ZNF536: variants seen among roughly 807,000 people sequenced by gnomAD.
The protein encoded by ZNF536 is zinc finger protein 536.
Under a neutral mutation model 84.5 loss-of-function variants are expected in ZNF536, and 13 were observed. The ratio of observed to expected loss-of-function variants is 0.15; its 90% CI spans 0.10 to 0.24. The LOEUF (loss-of-function observed/expected upper bound fraction) is 0.24, where lower values mean the gene tolerates loss of function less well. Ranked by LOEUF, ZNF536 falls within the 10% of genes least tolerant of loss-of-function variation. The pLI is 1.00. For synonymous variants in ZNF536, 811 were observed against 742.5 expected, an observed-to-expected ratio of 1.09 and a Z score of -1.50; for missense variants, 1,536 against 1,747.5, an observed-to-expected ratio of 0.88 and a Z score of 2.16.
chr19:30,640,606 C>G (rs947676130), intron 1 of ZNF536, among the ~76,000 whole-genome samples: 7 of 152,164 alleles, frequency 4.6e-5, no homozygotes, highest in African/African-American at 1.7e-4. Flanking sequence ...CTCCCTGCAC[C>G]GTCTTACCAG....
At chr19:30,452,728 G>A (rs1457168563) in intron 2 of ZNF536, among the ~76,000 whole-genome samples, 2 of 152,162 alleles carry the variant, frequency 1.3e-5, no homozygotes, top group Non-Finnish European at 2.9e-5. Context: ...CAGAGATCAG[G>A]AGATTGGATT....
chr19:30,366,433 C>G (rs1417709057), intron 3 of ZNF536, among the ~76,000 whole-genome samples: 1 of 150,920 alleles, frequency 6.6e-6, no homozygotes, highest in Non-Finnish European at 1.5e-5. Flanking sequence ...TCCTTCCTTC[C>G]TTTATTCATT....
At chr19:30,474,949 T>A (rs963727368) in intron 2 of ZNF536, among the ~76,000 whole-genome samples, 1 of 143,164 alleles carries the variant, frequency 7.0e-6, no homozygotes, top group South Asian at 2.5e-4. Flanking sequence ...CTCCTACCTG[T>A]CCCTTCCCTT....
At chr19:30,385,731 C>T (rs563945899) in intron 1 of ZNF536, among the ~76,000 whole-genome samples, 1 of 152,266 alleles carries the variant, frequency 6.6e-6, no homozygotes, top group African/African-American at 2.4e-5. Context: ...TACTTCTCCC[C>T]AACTTTTCAG....
chr19:30,363,013 T>C (rs776122328), intron 3 of ZNF536, among the ~76,000 whole-genome samples: 1 of 151,818 alleles, frequency 6.6e-6, no homozygotes, highest in Non-Finnish European at 1.5e-5. Flanking sequence ...GAGCCAAGAT[T>C]GTGCCACTGC....
chr19:30,295,833 G>C (rs731676), intron 2 of ZNF536, among the ~76,000 whole-genome samples: 35,250 of 152,010 alleles, frequency 0.23, 4,950 homozygotes, highest in East Asian at 0.54. Context: ...GAGGGGCAAA[G>C]CAGGCAGGAT....
At chr19:30,559,530 A>G (rs1181652041), downstream of ZNF536, among the ~76,000 whole-genome samples, 1 of 152,220 alleles carries the variant, frequency 6.6e-6, no homozygotes, top group Non-Finnish European at 1.5e-5. Flanking sequence ...GCCTCTGTCC[A>G]GGGCTGAGCA....
chr19:30,535,880 G>C (rs930641885), intron 3 of ZNF536, among the ~76,000 whole-genome samples: 5 of 152,200 alleles, frequency 3.3e-5, no homozygotes, highest in East Asian at 3.9e-4. Context: ...AATCAATAAG[G>C]CTCTGGGTTG....
intron 2 of ZNF536, among the ~76,000 whole-genome samples, chr19:30,346,790 A>G (rs2047757004): frequency 6.6e-6 from 1 of 152,238 alleles, no homozygotes; most frequent in Non-Finnish European, 1.5e-5. Flanking sequence ...ATTGTAAATA[A>G]TGCTGCAATG....
chr19:30,686,963 C>T (rs889042648), intron 1 of ZNF536, among the ~76,000 whole-genome samples: 1 of 152,154 alleles, frequency 6.6e-6, no homozygotes, highest in East Asian at 1.9e-4. Flanking sequence ...TTTGGAGTAG[C>T]CTATCCGATC....
intron 2 of ZNF536, among the ~76,000 whole-genome samples, chr19:30,349,008 AG>A (rs2047843484): frequency 6.6e-6 from 1 of 152,158 alleles, no homozygotes; most frequent in Non-Finnish European, 1.5e-5. Context: ...AATGACACAA[AG>A]GGAAGGGCCT....
intron 1 of ZNF536, among the ~76,000 whole-genome samples, chr19:30,426,092 T>C (rs896957445): frequency 6.6e-6 from 1 of 152,204 alleles, no homozygotes; most frequent in Non-Finnish European, 1.5e-5. Flanking sequence ...AGAGGTGGTC[T>C]ACTTTGGCAG....
chr19:30,358,047 AG>A (rs2048155699), intron 3 of ZNF536, among the ~76,000 whole-genome samples: 1 of 152,124 alleles, frequency 6.6e-6, no homozygotes, highest in South Asian at 2.1e-4. Flanking sequence ...TCATGCACGC[AG>A]GGTGAGTTTA....
chr19:30,613,576 G>C (rs538726717), intron 1 of ZNF536, among the ~76,000 whole-genome samples: 29 of 152,276 alleles, frequency 1.9e-4, no homozygotes, highest in African/African-American at 6.7e-4. Flanking sequence ...GCAATTGGGA[G>C]CATCTTCTTC....
At chr19:30,523,387 C>T (rs1057112765) in intron 2 of ZNF536, among the ~76,000 whole-genome samples, 7 of 152,164 alleles carry the variant, frequency 4.6e-5, no homozygotes, top group Non-Finnish European at 8.8e-5. Flanking sequence ...TGACTATTCC[C>T]GTTTTGCAGA....
At position 30,445,146 on chromosome 19, in the gene ZNF536, C is replaced by T. The variant is rs953773280; in HGVS notation, c.1584C>T (p.Ala528=). The change falls in exon 2 of 5, where the codon GCC becomes GCT. Residue 528 remains alanine (A), a synonymous_variant. Coordinates refer to ENST00000355537, the MANE Select transcript of ZNF536 (RefSeq NM_014717.3). This position sits in a 1 kb window ranked among gnomAD's most constrained non-coding sequence, Gnocchi z 4.5. Reference sequence around the variant, plus strand: ...GCTACCAGGCTTGGCAGCTCATGGCCAGGGGCATGGCCATGGAACATGGCT... The same window carrying T: ...GCTACCAGGCTTGGCAGCTCATGGCTAGGGGCATGGCCATGGAACATGGCT... ...VNSYQAWQLM[A]RGMAMEHGFL... is the part of the protein sequence containing the mutation. 1.9e-6 allele frequency: 3 copies of T among 1,613,948 alleles called. No homozygotes were observed. In the African/African-American group the frequency reaches 4.0e-5, roughly 22 times the overall value.
intron 2 of ZNF536, among the ~76,000 whole-genome samples, chr19:30,284,314 A>G (rs545518453): frequency 1.3e-5 from 2 of 152,318 alleles, no homozygotes; most frequent in African/African-American, 2.4e-5. Flanking sequence ...GGGGTGAACT[A>G]CAATGTGGAG....
At chr19:30,515,473 C>G (rs182212243) in intron 2 of ZNF536, among the ~76,000 whole-genome samples, 104 of 152,272 alleles carry the variant, frequency 6.8e-4, no homozygotes, top group African/African-American at 2.4e-3. Context: ...GCATGTGAAG[C>G]GCCTTCAGGA....
At position 30,547,995 on chromosome 19, in the gene ZNF536, A is replaced by G. The variant is rs2146176169; in HGVS notation, c.2376A>G (p.Ala792=). ...PHCDYAGTQS[A]SLKYHLERHH... Reference sequence around the variant, plus strand: ...GTGACTATGCCGGCACGCAGTCAGCATCCTTAAAATACCACTTAGAGCGAC... The same window carrying G: ...GTGACTATGCCGGCACGCAGTCAGCGTCCTTAAAATACCACTTAGAGCGAC... The change falls in exon 4 of 5, where the codon GCA becomes GCG. Residue 792 remains alanine, a synonymous_variant. Coordinates refer to ENST00000355537, the MANE Select transcript of ZNF536 (RefSeq NM_014717.3). 1.6e-5 allele frequency: 25 copies of G among 1,605,634 alleles called. No homozygotes were observed. The highest frequency in any genetic ancestry group is 2.1e-5 in the Non-Finnish European group (25 of 1,175,832).
Sources: gnomAD v4.1 joint callset for allele counts (sites outside exome capture counted in the v4.1 genomes callset) on GRCh38, gnomAD v4.1.1 for gene constraint, Gnocchi (gnomAD v3.1) non-coding constraint, MANE v1.5 for transcripts, NCBI Gene and HGNC (gene_info 2026-07-23, HGNC 2026-07-21) for gene names.